CSMD1: variants seen among roughly 807,000 people sequenced by gnomAD.
CSMD1 encodes CUB and sushi domain-containing protein 1.
In CSMD1, 213 loss-of-function variants were observed where a neutral mutation model predicts 417.5. That is an observed-to-expected ratio of 0.51 (90% CI 0.46 to 0.57). CSMD1 has a LOEUF of 0.57. CSMD1 is among the 20% of genes least tolerant of loss of function. CSMD1 has a pLI of 0.00. For missense variants in CSMD1, 6,923 were observed against 4,529.7 expected (o/e 1.53, Z -15.17); for synonymous variants, 2,862 against 1,736.8 (o/e 1.65, Z -16.11).
intron 1 of CSMD1, among the ~76,000 whole-genome samples, chr8:4,810,470 C>T (rs568472423): frequency 1.3e-5 from 2 of 152,146 alleles, no homozygotes; most frequent in African/African-American, 2.4e-5. Flanking sequence ...TAGTACCACC[C>T]GAGTCATGTT....
At chr8:4,196,287 C>G (rs1319607263) in intron 3 of CSMD1, among the ~76,000 whole-genome samples, 1 of 152,162 alleles carries the variant, frequency 6.6e-6, no homozygotes, top group African/African-American at 2.4e-5. Flanking sequence ...ATTGAGTTTA[C>G]AGAGCGCTCA....
chr8:3,243,396 A>G (rs903625353), intron 26 of CSMD1, among the ~76,000 whole-genome samples: 10 of 151,472 alleles, frequency 6.6e-5, no homozygotes, highest in African/African-American at 1.9e-4. Context: ...ACCTGGGTGC[A>G]GGTGGGCTGA....
intron 34 of CSMD1, among the ~76,000 whole-genome samples, chr8:3,189,616 G>C (rs1405528546): frequency 6.6e-6 from 1 of 152,080 alleles, no homozygotes; most frequent in Non-Finnish European, 1.5e-5. Context: ...ACATGATAAT[G>C]GTTTTTTCCC....
intron 5 of CSMD1, among the ~76,000 whole-genome samples, chr8:3,772,902 G>A (rs2720770): frequency 0.13 from 20,096 of 151,868 alleles, 1,394 homozygotes; most frequent in East Asian, 0.29. Context: ...CACAGATGAG[G>A]GCTGATAAAA....
At chr8:3,454,883 C>G (rs1241615225) in intron 12 of CSMD1, among the ~76,000 whole-genome samples, 15 of 152,196 alleles carry the variant, frequency 9.9e-5, no homozygotes, top group Admixed American at 9.8e-4. Flanking sequence ...GGGAAGTTCT[C>G]CTGGATAACA....
intron 18 of CSMD1, among the ~76,000 whole-genome samples, chr8:3,384,725 T>TATTTA (rs1810872403): frequency 1.3e-5 from 1 of 74,354 alleles, no homozygotes; most frequent in Non-Finnish European, 2.6e-5. Flanking sequence ...TTTATAATAT[T>TATTTA]TATATATATT....
At chr8:4,182,967 G>A (rs147769924) in intron 3 of CSMD1, among the ~76,000 whole-genome samples, 63 of 152,024 alleles carry the variant, frequency 4.1e-4, no homozygotes, top group Admixed American at 7.9e-4. Context: ...TAAAGAAAGA[G>A]GCAAGGAAAG....
At chr8:4,326,768 G>C (rs1054749902) in intron 3 of CSMD1, among the ~76,000 whole-genome samples, 1 of 152,042 alleles carries the variant, frequency 6.6e-6, no homozygotes, top group African/African-American at 2.4e-5. Flanking sequence ...AAGAAGATGA[G>C]GTACGCAGAA....
rs540570979 is a variant in CSMD1, at chr8:4,078,111, T to C, written c.416-46012A>G. On this transcript the variant is annotated intron_variant, in intron 3 of 69. Coordinates refer to ENST00000635120, the MANE Select transcript of CSMD1 (RefSeq NM_033225.6). Reference sequence around the variant, plus strand: ...CAAAGAGAGAAATCTTCAAATAATTTACATGGAAAGTGCTATAATGAACTT... The same window carrying C: ...CAAAGAGAGAAATCTTCAAATAATTCACATGGAAAGTGCTATAATGAACTT... Among the ~76,000 whole-genome samples, 6 of 152,278 alleles carry C rather than the reference T, an allele frequency of 3.9e-5. No homozygotes were observed. In the South Asian group the frequency reaches 1.0e-3, roughly 26 times the overall value.
intron 1 of CSMD1, among the ~76,000 whole-genome samples, chr8:4,654,774 G>A (rs1804124386): frequency 6.6e-6 from 1 of 151,998 alleles, no homozygotes; most frequent in African/African-American, 2.4e-5. Context: ...GGTCCCTTCT[G>A]TGTACACAGG....
chr8:4,796,288 C>CA (rs1413148264), intron 1 of CSMD1, among the ~76,000 whole-genome samples: 2 of 151,964 alleles, frequency 1.3e-5, no homozygotes, highest in Non-Finnish European at 2.9e-5. Context: ...GAGGATTTGG[C>CA]AGAAGGCATT....
intron 3 of CSMD1, among the ~76,000 whole-genome samples, chr8:4,210,380 T>G (rs11785627): frequency 0.12 from 18,694 of 152,246 alleles, 1,770 homozygotes; most frequent in African/African-American, 0.25. Context: ...AAATCCAACT[T>G]TTTCTTCTCA....
At chr8:4,065,512 T>G (rs1328190754) in intron 3 of CSMD1, among the ~76,000 whole-genome samples, 1 of 152,144 alleles carries the variant, frequency 6.6e-6, no homozygotes, top group Non-Finnish European at 1.5e-5. Flanking sequence ...TGATTCAAAG[T>G]GAAGTTACGG....
At chr8:4,930,886 G>A (rs936291649) in intron 1 of CSMD1, among the ~76,000 whole-genome samples, 18 of 152,158 alleles carry the variant, frequency 1.2e-4, no homozygotes, top group African/African-American at 4.3e-4. Flanking sequence ...ATTACTGTAT[G>A]TCTAGTTTTC....
At chr8:4,590,193 G>C (rs1199581913) in intron 2 of CSMD1, among the ~76,000 whole-genome samples, 5 of 151,728 alleles carry the variant, frequency 3.3e-5, no homozygotes, top group Admixed American at 2.0e-4. Context: ...TTTTAGATGA[G>C]ACCAGGATAA....
At chr8:3,034,955 G>A (rs1810575990) in intron 50 of CSMD1, among the ~76,000 whole-genome samples, 1 of 152,112 alleles carries the variant, frequency 6.6e-6, no homozygotes, top group Admixed American at 6.6e-5. Flanking sequence ...CCTCGGAAAC[G>A]GCTTTCTACT....
rs919319203 is a variant in CSMD1 at position 3,185,920 on chromosome 8, G to A, written c.5620+1949C>T. 7.2e-5 allele frequency among the ~76,000 whole-genome samples: 11 copies of A among 152,106 alleles called. No homozygotes were observed. In the East Asian group the frequency reaches 1.9e-3, roughly 27 times the overall value. ...GTAGAGAAACAGACACAGACTGCAT[G>A]GCTCCCGTGACTTGAAGGATTTCCT... On this transcript the variant is annotated intron_variant, in intron 36 of 69. Transcript: ENST00000635120.
chr8:4,026,183 A>AT (rs991739956), intron 4 of CSMD1, among the ~76,000 whole-genome samples: 1 of 152,146 alleles, frequency 6.6e-6, no homozygotes, highest in South Asian at 2.1e-4. Context: ...GAATTAGATC[A>AT]TTTTTTCTTT....
chr8:3,635,953 C>T (rs1002042566), intron 7 of CSMD1, among the ~76,000 whole-genome samples: 1 of 152,028 alleles, frequency 6.6e-6, no homozygotes, highest in Admixed American at 6.6e-5. Flanking sequence ...GCTTTATAAA[C>T]TTCTATTTAG....
Sources: gnomAD v4.1 joint callset for allele counts (sites outside exome capture counted in the v4.1 genomes callset) on GRCh38, gnomAD v4.1.1 for gene constraint, MANE v1.5 for transcripts, NCBI Gene and HGNC (gene_info 2026-07-23, HGNC 2026-07-21) for gene names.